CALN1: variants seen among roughly 807,000 people sequenced by gnomAD.
The protein encoded by CALN1 is calneuron 1.
Under a neutral mutation model 30.6 loss-of-function variants are expected in CALN1, and 17 were observed. That is an observed-to-expected ratio of 0.56 (90% confidence interval 0.38 to 0.83). CALN1 has a LOEUF of 0.83. Ranked by LOEUF, CALN1 falls within the 40% of genes least tolerant of loss-of-function variation. CALN1 has a pLI of 0.00. For missense variants in CALN1, 291 were observed against 354.9 expected (o/e 0.82, Z 1.45); for synonymous variants, 156 against 131.4 (o/e 1.19, Z -1.28).
At chr7:72,274,411 G>C (rs1797204298) in intron 3 of CALN1, among the ~76,000 whole-genome samples, 2 of 151,860 alleles carry the variant, frequency 1.3e-5, no homozygotes, top group Admixed American at 6.6e-5. Context: ...GGGAGGCTGA[G>C]GCAGGAGAAT....
rs567571781 is a variant in CALN1, at chr7:71,824,021, C to T, written c.502-13529G>A. ...CTCCCATCAGCTCCCTCCCATGACA[C>T]GTGGGAATTGTGGGAGCTACAATTC... On this transcript the variant is annotated intron_variant, in intron 5 of 6. Coordinates refer to ENST00000395275, the MANE Select transcript of CALN1 (RefSeq NM_031468.4). Among the ~76,000 whole-genome samples the T allele has an allele frequency of 3.9e-5, 6 of 152,162 alleles. No homozygotes were observed. In the South Asian group the frequency reaches 6.2e-4, roughly 16 times the overall value.
At chr7:71,920,216 A>C (rs1281110323) in intron 5 of CALN1, among the ~76,000 whole-genome samples, 1 of 152,024 alleles carries the variant, frequency 6.6e-6, no homozygotes. Flanking sequence ...CTTTAGATGC[A>C]CCTGTACTGG....
At chr7:72,108,897 G>A (rs1807364367) in intron 3 of CALN1, among the ~76,000 whole-genome samples, 1 of 152,178 alleles carries the variant, frequency 6.6e-6, no homozygotes, top group Admixed American at 6.5e-5. Flanking sequence ...CAAACCAGGG[G>A]TCATGGATTC....
chr7:71,974,326 G>A (rs140663654), intron 5 of CALN1, among the ~76,000 whole-genome samples: 211 of 145,600 alleles, frequency 1.4e-3, no homozygotes, highest in African/African-American at 4.9e-3. Context: ...ATTGAGGCAG[G>A]AGAATTGCTT....
chr7:72,405,672 G>A (rs1242091619), intron 1 of CALN1, among the ~76,000 whole-genome samples: 5 of 150,430 alleles, frequency 3.3e-5, no homozygotes, highest in Non-Finnish European at 2.9e-5. Context: ...TAGTTAGCTC[G>A]TTAAGTTAAA....
In CALN1 at chr7:71,784,980, A is replaced by G. The variant is rs1792909180; in HGVS notation, c.*2795T>C. 7.5e-6 allele frequency: 3 copies of G among 397,360 alleles called. No homozygotes were observed. The allele number at this position is 397,360 out of a possible 1,614,324, so 24.6% of individuals were successfully genotyped here. A position where few individuals can be genotyped will look rare whatever the true frequency, so the allele number is the denominator to read the frequency against. On this transcript the variant is annotated 3_prime_UTR_variant, in exon 7 of 7. Coordinates refer to ENST00000395275, the MANE Select transcript of CALN1 (RefSeq NM_031468.4). ...CAAGGAAGGCTTCCCTATACCCAAGACAAACTGTCCAAGCAAAGCAGCCAG... is the reference window on the plus strand; with the variant it reads ...CAAGGAAGGCTTCCCTATACCCAAGGCAAACTGTCCAAGCAAAGCAGCCAG...
At chr7:72,061,379 A>T (rs1803635067) in intron 4 of CALN1, among the ~76,000 whole-genome samples, 1 of 152,130 alleles carries the variant, frequency 6.6e-6, no homozygotes, top group Non-Finnish European at 1.5e-5. Flanking sequence ...TATATCACTT[A>T]TTTCTTTGTT....
At chr7:72,169,294 T>C (rs1788765549) in intron 3 of CALN1, among the ~76,000 whole-genome samples, 2 of 152,080 alleles carry the variant, frequency 1.3e-5, no homozygotes, top group Non-Finnish European at 2.9e-5. Context: ...CTCTTGTTTT[T>C]ATCTTTTTGC....
chr7:71,808,000 G>C (rs1011866186), intron 6 of CALN1, among the ~76,000 whole-genome samples: 2 of 152,094 alleles, frequency 1.3e-5, no homozygotes, highest in African/African-American at 4.8e-5. Flanking sequence ...CTTGAACCCG[G>C]GAAGCAGAGG....
At chr7:72,174,836 T>C (rs1278884538) in intron 3 of CALN1, among the ~76,000 whole-genome samples, 3 of 152,204 alleles carry the variant, frequency 2.0e-5, no homozygotes, top group African/African-American at 7.2e-5. Flanking sequence ...GGTGGTAGTA[T>C]TATAGGTATA....
At chr7:72,114,451 G>T (rs1473070650) in intron 3 of CALN1, among the ~76,000 whole-genome samples, 1 of 151,656 alleles carries the variant, frequency 6.6e-6, no homozygotes, top group African/African-American at 2.4e-5. Flanking sequence ...CTAGCGAGCA[G>T]CTGCAAATAC....
chr7:72,335,535 G>A (rs1413061012), intron 2 of CALN1, among the ~76,000 whole-genome samples: 16 of 152,244 alleles, frequency 1.1e-4, no homozygotes, highest in Admixed American at 9.8e-4. Flanking sequence ...AGACTTCCCA[G>A]CCACACACAG....
chr7:72,054,436 TATATATATATAC>T (rs1219449074), intron 4 of CALN1, among the ~76,000 whole-genome samples: 2,713 of 6,778 alleles, frequency 0.4, 237 homozygotes, highest in African/African-American at 0.52. Flanking sequence ...TATACACGTA[TATATATATATAC>T]ATATATATAC....
chr7:72,459,093 GGGGTTTCACCATGTTGGCCA>G, the CALN1 span, among the ~76,000 whole-genome samples: 1 of 151,522 alleles, frequency 6.6e-6, no homozygotes, highest in Non-Finnish European at 1.5e-5. Flanking sequence ...TGTATGAGAC[GGGGTTTCACCATGTTGGCCA>G]GGCTGGTCTC....
At chr7:72,479,658 T>G in the CALN1 span, among the ~76,000 whole-genome samples, 2 of 151,762 alleles carry the variant, frequency 1.3e-5, no homozygotes, top group Non-Finnish European at 2.9e-5. Flanking sequence ...TTCAAGTGAT[T>G]CCCCTACCTC....
At chr7:72,353,127 T>C (rs895198357) in intron 2 of CALN1, among the ~76,000 whole-genome samples, 3 of 152,154 alleles carry the variant, frequency 2.0e-5, no homozygotes, top group African/African-American at 4.8e-5. Context: ...CATAAACAAA[T>C]TCCTCTGTGC....
At chr7:72,224,667 G>T (rs1332731119) in intron 3 of CALN1, among the ~76,000 whole-genome samples, 4 of 152,018 alleles carry the variant, frequency 2.6e-5, no homozygotes, top group Admixed American at 2.6e-4. Flanking sequence ...TGTAATCCCA[G>T]CTACTCGGGA....
rs186515799 is a variant in CALN1, at chr7:72,305,293, A to G, written c.120-26483T>C. 1.6e-3 allele frequency among the ~76,000 whole-genome samples: 250 copies of G among 152,346 alleles called. 4 individuals are homozygous for G. The highest frequency in any genetic ancestry group is 2.1e-3 in the East Asian group (11 of 5,182). On this transcript the variant is annotated intron_variant, in intron 2 of 6. Transcript: ENST00000395275. ...AGGATGCCGGCGCTGGCCTGCCGAC[A>G]GGAATGCTTTTGGCAGGTGATTTTG...
At chr7:72,288,771 T>G (rs980725867) in intron 2 of CALN1, among the ~76,000 whole-genome samples, 1 of 152,232 alleles carries the variant, frequency 6.6e-6, no homozygotes, top group Non-Finnish European at 1.5e-5. Flanking sequence ...GTTTATGATT[T>G]TTGCACTGCT....
Sources: allele counts gnomAD v4.1 joint callset (sites outside exome capture counted in the v4.1 genomes callset), GRCh38; gene constraint gnomAD v4.1.1; transcripts MANE v1.5; gene names NCBI Gene and HGNC (gene_info 2026-07-23, HGNC 2026-07-21).